ZNF804B: variants seen among roughly 807,000 people sequenced by gnomAD.
ZNF804B encodes zinc finger protein 804B.
ZNF804B carries 80 observed loss-of-function variants against 101.4 expected under a neutral mutation model. The ratio of observed to expected loss-of-function variants is 0.79; its 90% CI spans 0.66 to 0.95. The LOEUF (loss-of-function observed/expected upper bound fraction) is 0.95, where lower values mean the gene tolerates loss of function less well. ZNF804B is among the 40% of genes least tolerant of loss of function. The pLI, the probability that ZNF804B is intolerant of heterozygous loss-of-function variation, is 0.00. For synonymous variants in ZNF804B, 622 were observed against 558.8 expected (o/e 1.11, Z -1.59); for missense variants, 1,673 against 1,561.9 (o/e 1.07, Z -1.20).
intron 1 of ZNF804B, among the ~76,000 whole-genome samples, chr7:88,866,617 G>A (rs1376296027): frequency 6.6e-6 from 1 of 152,088 alleles, no homozygotes; most frequent in East Asian, 1.9e-4. Context: ...GAAGCTTTTT[G>A]AACTTTTCCG....
At chr7:89,199,604 G>GC (rs1232586991) in intron 1 of ZNF804B, among the ~76,000 whole-genome samples, 1 of 151,672 alleles carries the variant, frequency 6.6e-6, no homozygotes, top group Non-Finnish European at 1.5e-5. Flanking sequence ...ATTGCTGAGT[G>GC]CCCCACACCC....
chr7:89,316,553 T>C (rs1790728297), intron 2 of ZNF804B, among the ~76,000 whole-genome samples: 2 of 152,092 alleles, frequency 1.3e-5, no homozygotes, highest in South Asian at 4.1e-4. Flanking sequence ...GAAATTAAGA[T>C]ATGTAAGCTG....
At chr7:88,798,539 T>C (rs1036885381) in intron 1 of ZNF804B, among the ~76,000 whole-genome samples, 1 of 152,090 alleles carries the variant, frequency 6.6e-6, no homozygotes, top group African/African-American at 2.4e-5. Context: ...CTTTATTCCA[T>C]TTTCCCAATG....
intron 1 of ZNF804B, among the ~76,000 whole-genome samples, chr7:89,203,030 CAT>C (rs889285978): frequency 2.6e-5 from 4 of 152,072 alleles, no homozygotes; most frequent in African/African-American, 9.7e-5. Context: ...CATACACACA[CAT>C]GTACATACTC....
chr7:89,084,296 G>A (rs1030516036), intron 1 of ZNF804B, among the ~76,000 whole-genome samples: 2 of 151,900 alleles, frequency 1.3e-5, no homozygotes, highest in Non-Finnish European at 2.9e-5. Flanking sequence ...GAATCAGCAA[G>A]CTGATTGAAT....
intron 1 of ZNF804B, among the ~76,000 whole-genome samples, chr7:88,861,495 T>C (rs1225037331): frequency 6.6e-6 from 1 of 152,148 alleles, no homozygotes. Context: ...AGGCATTTAA[T>C]ATAGGGTGCT....
intron 1 of ZNF804B, among the ~76,000 whole-genome samples, chr7:89,182,806 G>A (rs1279219996): frequency 6.6e-6 from 1 of 152,084 alleles, no homozygotes; most frequent in African/African-American, 2.4e-5. Flanking sequence ...ATTGTACTTT[G>A]GTTACATCTA....
intron 1 of ZNF804B, among the ~76,000 whole-genome samples, chr7:88,895,677 G>A (rs998900209): frequency 6.6e-6 from 1 of 152,170 alleles, no homozygotes; most frequent in Non-Finnish European, 1.5e-5. Context: ...GTCTTGTCTT[G>A]TGGTACCAGA....
chr7:88,851,536 A>G (rs998422206), intron 1 of ZNF804B, among the ~76,000 whole-genome samples: 3 of 152,092 alleles, frequency 2.0e-5, no homozygotes, highest in Admixed American at 6.6e-5. Flanking sequence ...CAAAAATACC[A>G]TTTAAAAACA....
chr7:89,206,126 C>A (rs544078831), intron 1 of ZNF804B, among the ~76,000 whole-genome samples: 2 of 152,186 alleles, frequency 1.3e-5, no homozygotes, highest in South Asian at 2.1e-4. Flanking sequence ...AGCTGGGACA[C>A]AAGACACCAA....
chr7:89,102,326 G>C (rs955412221), intron 1 of ZNF804B, among the ~76,000 whole-genome samples: 5 of 151,680 alleles, frequency 3.3e-5, no homozygotes, highest in Non-Finnish European at 5.9e-5. Flanking sequence ...CTTCATATCT[G>C]TGCCAATGTT....
intron 1 of ZNF804B, among the ~76,000 whole-genome samples, chr7:88,889,776 T>C (rs1346456558): frequency 6.6e-6 from 1 of 152,210 alleles, no homozygotes; most frequent in Non-Finnish European, 1.5e-5. Flanking sequence ...AGTTTTTGAA[T>C]TTAATTAAGT....
intron 1 of ZNF804B, among the ~76,000 whole-genome samples, chr7:89,113,083 A>G (rs1264994424): frequency 6.6e-6 from 1 of 152,216 alleles, no homozygotes; most frequent in Non-Finnish European, 1.5e-5. Flanking sequence ...AAATATAAAA[A>G]TGTTCAGTGT....
intron 1 of ZNF804B, among the ~76,000 whole-genome samples, chr7:88,997,802 C>T (rs562528468): frequency 6.6e-6 from 1 of 152,122 alleles, no homozygotes. Flanking sequence ...TATCGCACCA[C>T]TCAAAATTTG....
chr7:88,960,031 T>C (rs182639615), intron 1 of ZNF804B, among the ~76,000 whole-genome samples: 38 of 151,594 alleles, frequency 2.5e-4, no homozygotes, highest in African/African-American at 8.0e-4. Flanking sequence ...TAATTTGCCC[T>C]GAAGAAGACA....
intron 1 of ZNF804B, among the ~76,000 whole-genome samples, chr7:89,081,037 T>A (rs1583975167): frequency 2.6e-5 from 4 of 151,896 alleles, no homozygotes; most frequent in Non-Finnish European, 1.5e-5. Context: ...CAGTTGCTAT[T>A]ACAAAGCTAG....
chr7:88,951,183 G>T (rs940928759), intron 1 of ZNF804B, among the ~76,000 whole-genome samples: 1 of 151,862 alleles, frequency 6.6e-6, no homozygotes, highest in Admixed American at 6.6e-5. Context: ...TACATCGGAA[G>T]GATGATGCTT....
chr7:89,077,031 T>C (rs537029280), intron 1 of ZNF804B, among the ~76,000 whole-genome samples: 8 of 151,248 alleles, frequency 5.3e-5, no homozygotes, highest in South Asian at 2.1e-4. Flanking sequence ...GGTCAGAGCA[T>C]ATATGTGGAG....
intron 1 of ZNF804B, among the ~76,000 whole-genome samples, chr7:89,114,845 G>A (rs1288818561): frequency 6.6e-6 from 1 of 152,108 alleles, no homozygotes; most frequent in African/African-American, 2.4e-5. Flanking sequence ...ACTTCGAGAG[G>A]GTCTGAGCAC....
Sources: allele counts gnomAD v4.1 joint callset (sites outside exome capture counted in the v4.1 genomes callset), GRCh38; gene constraint gnomAD v4.1.1; transcripts MANE v1.5; gene names NCBI Gene and HGNC (gene_info 2026-07-23, HGNC 2026-07-21).